Variants in PGBD2 observed in about 807,000 individuals in gnomAD.
PGBD2 encodes the protein piggyBac transposable element derived 2.
In PGBD2, 6 loss-of-function variants were observed where a neutral mutation model predicts 8.1. The observed-to-expected ratio is 0.74, with a 90% confidence interval of 0.40 to 1.46. The LOEUF (loss-of-function observed/expected upper bound fraction) is 1.46. Among genes scored for constraint, PGBD2 ranks in the 40% most tolerant of loss-of-function variants. The pLI, the probability that PGBD2 is intolerant of heterozygous loss-of-function variation, is 0.02. For synonymous variants in PGBD2, 318 were observed against 272.2 expected (o/e 1.17, Z -1.66); for missense variants, 802 against 739.0 (o/e 1.09, Z -0.99).
chr1:248,878,532 T>C, the PGBD2 span, among the ~76,000 whole-genome samples: 1 of 152,154 alleles, frequency 6.6e-6, no homozygotes, highest in Non-Finnish European at 1.5e-5. Flanking sequence ...GGGGTTGCTC[T>C]TATAAAGACT....
the PGBD2 span, among the ~76,000 whole-genome samples, chr1:248,882,084 A>G: frequency 8.5e-5 from 13 of 152,278 alleles, no homozygotes; most frequent in African/African-American, 3.1e-4. Context: ...CCGCAATGCA[A>G]TGGGGCTCTC....
downstream of PGBD2, among the ~76,000 whole-genome samples, chr1:248,922,668 G>C (rs1346639519): frequency 1.3e-5 from 2 of 152,212 alleles, no homozygotes; most frequent in East Asian, 1.9e-4. Flanking sequence ...TAGCATGAAG[G>C]GCTGTTGAAT....
the PGBD2 span, among the ~76,000 whole-genome samples, chr1:248,928,756 T>C: frequency 6.6e-6 from 1 of 152,248 alleles, no homozygotes; most frequent in Admixed American, 6.5e-5. Context: ...CAACTCATTT[T>C]TTCTCAACAA....
Position 248,917,032 on chromosome 1 carries a change from G to T in PGBD2, c.448G>T (p.Asp150Tyr), listed in dbSNP as rs1319650895. Residue 150 changes from aspartate (D) to tyrosine (Y), a missense_variant, in exon 3 of 3, where the codon GAT becomes TAT. Transcript: ENST00000329291. ...SPVGLFELFF[D>Y]EGTINFIVNE... ...CGTGGGCCTTTTTGAGTTGTTTTTT[G>T]ATGAAGGAACAATTAATTTCATTGT... The T allele has an allele frequency of 6.2e-7, 1 of 1,613,514 alleles. No homozygotes were observed. The highest frequency in any genetic ancestry group is 1.1e-5 in the South Asian group (1 of 90,946).
chr1:248,920,679 A>T (rs538565162), downstream of PGBD2, among the ~76,000 whole-genome samples: 114 of 152,354 alleles, frequency 7.5e-4, 1 homozygote, highest in South Asian at 0.023. Flanking sequence ...TTGCTGGGTC[A>T]AATGGTATTT....
chr1:248,925,196 A>G, the PGBD2 span, among the ~76,000 whole-genome samples: 2 of 152,214 alleles, frequency 1.3e-5, no homozygotes, highest in Non-Finnish European at 1.5e-5. Context: ...ACCAAGTGTT[A>G]CCTGGAGGAA....
chr1:248,885,078 T>C, the PGBD2 span, among the ~76,000 whole-genome samples: 3,657 of 152,240 alleles, frequency 0.024, 72 homozygotes, highest in East Asian at 0.068. Context: ...AGACTTTTTT[T>C]GCAGTCCCCT....
the PGBD2 span, among the ~76,000 whole-genome samples, chr1:248,876,479 C>T: frequency 3.3e-5 from 5 of 152,172 alleles, no homozygotes; most frequent in African/African-American, 4.8e-5. Flanking sequence ...CTTATTCCAG[C>T]GTCCTGTCAA....
the PGBD2 span, among the ~76,000 whole-genome samples, chr1:248,894,592 G>A: frequency 5.9e-5 from 9 of 152,142 alleles, no homozygotes; most frequent in African/African-American, 2.2e-4. Flanking sequence ...TACCTTTGCT[G>A]ATTTTAACCT....
At chr1:248,904,900 T>C (rs977744888), upstream of PGBD2, among the ~76,000 whole-genome samples, 7 of 152,234 alleles carry the variant, frequency 4.6e-5, no homozygotes, top group African/African-American at 1.7e-4. Context: ...GTTCTCCCAC[T>C]GAAATGACAA....
chr1:248,886,564 G>A, the PGBD2 span, among the ~76,000 whole-genome samples: 3 of 152,294 alleles, frequency 2.0e-5, no homozygotes, highest in African/African-American at 7.2e-5. Flanking sequence ...ATAAAAGGTG[G>A]GGGTTGGGGA....
At chr1:248,908,034 C>T (rs888944400) in intron 1 of PGBD2, among the ~76,000 whole-genome samples, 5 of 152,044 alleles carry the variant, frequency 3.3e-5, no homozygotes, top group Admixed American at 2.0e-4. Context: ...ATGTACGGTT[C>T]GTCTGGATTT....
At chr1:248,900,695 CCT>C in the PGBD2 span, among the ~76,000 whole-genome samples, 1 of 152,148 alleles carries the variant, frequency 6.6e-6, no homozygotes, top group Admixed American at 6.5e-5. Context: ...ACAAGGATGT[CCT>C]CTCTCACTAT....
the PGBD2 span, among the ~76,000 whole-genome samples, chr1:248,896,568 C>T: frequency 6.6e-6 from 1 of 152,258 alleles, no homozygotes; most frequent in East Asian, 1.9e-4. Context: ...CCTCAGCCTC[C>T]TGAGTAGCAG....
chr1:248,875,664 A>G, the PGBD2 span, among the ~76,000 whole-genome samples: 1 of 152,174 alleles, frequency 6.6e-6, no homozygotes, highest in African/African-American at 2.4e-5. Flanking sequence ...ATGGTTTTCC[A>G]AAGTTTTATT....
chr1:248,916,970 C>G lies in PGBD2; in HGVS notation c.386C>G (p.Pro129Arg). 1.2e-6 allele frequency: 2 copies of G among 1,612,858 alleles called. No homozygotes were observed. Among genetic ancestry groups the G allele is most frequent in the African/African-American group, 1.3e-5 (1 of 74,806 alleles). The change falls in exon 3 of 3, where the codon CCT becomes CGT. Residue 129 changes from proline to arginine, a missense_variant. By Grantham distance (103) the Pro-to-Arg change is moderately radical. Coordinates refer to ENST00000329291, the MANE Select transcript of PGBD2 (RefSeq NM_170725.3). ...PDFGSWTASD[P>R]HIEDLKSQEL... Reference sequence around the variant, plus strand: ...TTTGGCAGTTGGACTGCATCAGATCCTCATATTGAGGATCTGAAAAGCCAA... The same window carrying G: ...TTTGGCAGTTGGACTGCATCAGATCGTCATATTGAGGATCTGAAAAGCCAA...
At chr1:248,898,455 A>C in the PGBD2 span, among the ~76,000 whole-genome samples, 3 of 152,214 alleles carry the variant, frequency 2.0e-5, no homozygotes, top group Non-Finnish European at 2.9e-5. Context: ...CACCTGGCTC[A>C]ACATTTTTAA....
chr1:248,914,467 C>G (rs1662020077), intron 2 of PGBD2: 2 of 1,287,336 alleles, frequency 1.6e-6, no homozygotes, highest in South Asian at 2.5e-5. Context: ...CCTCACCTCC[C>G]TGGAGGTCAG....
Position 248,914,342 on chromosome 1 carries a change from C to T in PGBD2, c.17+463C>T, listed in dbSNP as rs78367748. 6.5e-3 allele frequency: 6,042 copies of T among 932,252 alleles called. 261 individuals are homozygous for T. In the African/African-American group the frequency reaches 0.093, roughly 14 times the overall value. The allele number at this position is 932,252 out of a possible 1,614,324, so 57.7% of individuals were successfully genotyped here. The stretch of plus-strand genomic sequence containing the variant: ...ACTGGGTGAGGACAGGTCAGGAAAG[C>T]GTGAAGATGGCTGCTGTACCCCTTA... On this transcript the variant is annotated intron_variant, in intron 2 of 2. Coordinates refer to ENST00000329291, the MANE Select transcript of PGBD2 (RefSeq NM_170725.3).
Sources: allele counts gnomAD v4.1 joint callset (sites outside exome capture counted in the v4.1 genomes callset), GRCh38; gene constraint gnomAD v4.1.1; transcripts MANE v1.5; gene names NCBI Gene and HGNC (gene_info 2026-07-23, HGNC 2026-07-21).